The following MEGF11 variants were observed in gnomAD, a reference collection of about 807,000 sequenced individuals.
MEGF11 encodes multiple epidermal growth factor-like domains protein 11.
In MEGF11, 126 loss-of-function variants were observed where a neutral mutation model predicts 146.6. The ratio of observed to expected loss-of-function variants is 0.86; its 90% CI spans 0.74 to 1.00. The LOEUF is 1.00. Among genes scored for constraint, MEGF11 ranks in the 50% least tolerant of loss-of-function variants. The probability of loss-of-function intolerance (pLI) is 0.00; values close to 1 mark genes in which losing one functional copy is unlikely to be tolerated. For missense variants in MEGF11, 1,509 were observed against 1,521.2 expected (o/e 0.99, Z 0.13); for synonymous variants, 532 against 583.4 (o/e 0.91, Z 1.27).
Position 65,918,074 on chromosome 15 carries a change from C to G in MEGF11, c.1978G>C (p.Gly660Arg). The G allele has an allele frequency of 6.2e-7, 1 of 1,613,924 alleles. No homozygotes were observed. The highest frequency in any genetic ancestry group is 8.5e-7 in the Non-Finnish European group (1 of 1,179,888). The change falls in exon 16 of 26, where the codon GGG becomes CGG. Residue 660 changes from glycine to arginine, a missense_variant. Gly to Arg is a moderately radical substitution (Grantham distance 125). Transcript: ENST00000395614. ...GAGCAGAGCTGGGCACAGTCCTGCC[C>G]AAAGTATCCTCCAGCACACACTGTG... is the stretch of plus-strand genomic sequence containing the variant. ...CNQVCAGGYF[G>R]QDCAQLCSCA... is the part of the protein sequence containing the mutation.
At chr15:66,124,761 C>T (rs572358714) in intron 2 of MEGF11, among the ~76,000 whole-genome samples, 8 of 152,342 alleles carry the variant, frequency 5.3e-5, no homozygotes, top group Admixed American at 1.3e-4. Flanking sequence ...GTGGAAGCCA[C>T]AGGGAAGCAG....
At chr15:65,990,238 A>G (rs1317316511) in intron 5 of MEGF11, among the ~76,000 whole-genome samples, 1 of 152,134 alleles carries the variant, frequency 6.6e-6, no homozygotes, top group Admixed American at 6.6e-5. Context: ...CAAATAAAAA[A>G]TGCCAAAGAT....
At chr15:65,962,368 G>T (rs1289424471) in intron 9 of MEGF11, among the ~76,000 whole-genome samples, 1 of 152,246 alleles carries the variant, frequency 6.6e-6, no homozygotes, top group Non-Finnish European at 1.5e-5. Flanking sequence ...GCAATGTCTG[G>T]AAACATTTCT....
At chr15:66,042,309 C>T (rs1367401622) in intron 5 of MEGF11, among the ~76,000 whole-genome samples, 1 of 152,002 alleles carries the variant, frequency 6.6e-6, no homozygotes, top group Non-Finnish European at 1.5e-5. Flanking sequence ...GGGGTTTCAC[C>T]ACGTTGGCCA....
rs1286387574 is a variant in MEGF11, at chr15:66,119,077, C to A, written c.301+9G>T. ...CACTGAGGGCAGAACAGCAGCAGCCCCTACATACGTATGCAGAAGTCTCCG... is the reference window on the plus strand; with the variant it reads ...CACTGAGGGCAGAACAGCAGCAGCCACTACATACGTATGCAGAAGTCTCCG... On this transcript the variant is annotated intron_variant, in intron 4 of 25. Coordinates refer to ENST00000395614, the MANE Select transcript of MEGF11 (RefSeq NM_001385028.1). The A allele has an allele frequency of 6.5e-7, 1 of 1,540,496 alleles. No individual in the cohort carries two copies. The highest frequency in any genetic ancestry group is 2.0e-5 in the Admixed American group (1 of 50,916).
At chr15:66,242,462 GGAAA>G (rs1376566270) in intron 1 of MEGF11, among the ~76,000 whole-genome samples, 2 of 133,668 alleles carry the variant, frequency 1.5e-5, no homozygotes, top group African/African-American at 5.4e-5. Context: ...AAGGACAGAT[GGAAA>G]GAAAGAGAGA....
chr15:66,051,510 G>C (rs2084443934), intron 5 of MEGF11, among the ~76,000 whole-genome samples: 1 of 152,206 alleles, frequency 6.6e-6, no homozygotes, highest in African/African-American at 2.4e-5. Flanking sequence ...ACAGAGGGAA[G>C]ACAAGAGTTG....
intron 5 of MEGF11, among the ~76,000 whole-genome samples, chr15:66,066,040 T>C (rs2085110121): frequency 1.3e-5 from 2 of 152,134 alleles, no homozygotes; most frequent in South Asian, 2.1e-4. Flanking sequence ...TCCCAGTTCA[T>C]ATGGCTCTGA....
At position 65,922,788 on chromosome 15, in the gene MEGF11, C is replaced by T. The variant is rs771681038; in HGVS notation, c.1822+35G>A. ...TGGAGAGGGCTAGGGAGGATTAGCC[C>T]TCTGAGCTCTTCGGGGTCAGGGGAT... On this transcript the variant is annotated intron_variant, in intron 14 of 25. Coordinates refer to ENST00000395614, the MANE Select transcript of MEGF11 (RefSeq NM_001385028.1). 2.5e-6 allele frequency: 4 copies of T among 1,611,034 alleles called. No homozygotes were observed. In the South Asian group the frequency reaches 4.4e-5, roughly 18 times the overall value.
At chr15:66,101,269 G>A (rs1210389645) in intron 4 of MEGF11, among the ~76,000 whole-genome samples, 2 of 152,090 alleles carry the variant, frequency 1.3e-5, no homozygotes, top group Non-Finnish European at 2.9e-5. Flanking sequence ...CCAGCCTGCC[G>A]CTCCGGACGG....
intron 5 of MEGF11, among the ~76,000 whole-genome samples, chr15:65,990,409 G>A (rs1023213273): frequency 2.0e-5 from 3 of 151,804 alleles, no homozygotes; most frequent in African/African-American, 7.3e-5. Context: ...AAATTAGCTT[G>A]GTGTGGCGGC....
chr15:66,177,921 G>A (rs942766441), intron 1 of MEGF11, among the ~76,000 whole-genome samples: 1 of 152,124 alleles, frequency 6.6e-6, no homozygotes, highest in Non-Finnish European at 1.5e-5. Flanking sequence ...CTGAGCTTAA[G>A]CGATCTGCCT....
chr15:66,141,497 G>C (rs1257245950), intron 1 of MEGF11, among the ~76,000 whole-genome samples: 1 of 151,964 alleles, frequency 6.6e-6, no homozygotes, highest in African/African-American at 2.4e-5. Context: ...ATTGTCCTCT[G>C]TTAGCTGAGA....
chr15:66,072,995 C>T lies in MEGF11; in HGVS notation c.394+21407G>A, dbSNP rs1239409074. 3.3e-5 allele frequency among the ~76,000 whole-genome samples: 5 copies of T among 152,320 alleles called. No homozygotes were observed. In the East Asian group the frequency reaches 9.6e-4, roughly 29 times the overall value. On this transcript the variant is annotated intron_variant, in intron 5 of 25. Coordinates refer to ENST00000395614, the MANE Select transcript of MEGF11 (RefSeq NM_001385028.1). The stretch of plus-strand genomic sequence containing the variant: ...CTGATGGATGGCAGATAGTTGGCAC[C>T]AGCCTCAAGGTCAGAAGAAGTTATT...
intron 5 of MEGF11, among the ~76,000 whole-genome samples, chr15:66,032,370 G>T (rs1049556509): frequency 6.6e-6 from 1 of 152,216 alleles, no homozygotes; most frequent in Non-Finnish European, 1.5e-5. Context: ...AATGTGGAAG[G>T]GTTTGAGGAC....
intron 1 of MEGF11, among the ~76,000 whole-genome samples, chr15:66,133,878 C>T (rs776885093): frequency 1.3e-5 from 2 of 152,196 alleles, no homozygotes; most frequent in African/African-American, 4.8e-5. Flanking sequence ...AAATTCTCAG[C>T]GCCAATGTGG....
At chr15:66,048,255 GT>G (rs1480839571) in intron 5 of MEGF11, among the ~76,000 whole-genome samples, 2 of 152,190 alleles carry the variant, frequency 1.3e-5, no homozygotes, top group Non-Finnish European at 1.5e-5. Flanking sequence ...CAGGAGGAGG[GT>G]TTGTTTTACT....
chr15:66,158,750 G>A (rs527519366), intron 1 of MEGF11, among the ~76,000 whole-genome samples: 6 of 152,278 alleles, frequency 3.9e-5, no homozygotes, highest in Non-Finnish European at 7.4e-5. Flanking sequence ...AAAAATCACC[G>A]GCTCTCAAAT....
chr15:66,233,004 A>C (rs1431025290), intron 1 of MEGF11, among the ~76,000 whole-genome samples: 1 of 152,128 alleles, frequency 6.6e-6, no homozygotes, highest in African/African-American at 2.4e-5. Context: ...CAATAACAAC[A>C]CCACCTCAGT....
Sources: gnomAD v4.1 joint callset for allele counts (sites outside exome capture counted in the v4.1 genomes callset) on GRCh38, gnomAD v4.1.1 for gene constraint, MANE v1.5 for transcripts, NCBI Gene and HGNC (gene_info 2026-07-23, HGNC 2026-07-21) for gene names.